FOXJ3: variants seen among roughly 807,000 people sequenced by gnomAD.
The protein encoded by FOXJ3 is forkhead box J3.
FOXJ3 carries 22 observed loss-of-function variants against 76.1 expected under a neutral mutation model. The ratio of observed to expected loss-of-function variants is 0.29; its 90% CI spans 0.21 to 0.41. The LOEUF (loss-of-function observed/expected upper bound fraction) is 0.41. Ranked by LOEUF, FOXJ3 falls within the 10% of genes least tolerant of loss-of-function variation. FOXJ3 has a pLI of 1.00. For missense variants in FOXJ3, 613 were observed against 762.1 expected (o/e 0.80, Z 2.30); for synonymous variants, 269 against 261.2 (o/e 1.03, Z -0.29).
chr1:42,266,272 A>G (rs111255760), intron 3 of FOXJ3, among the ~76,000 whole-genome samples: 2 of 152,190 alleles, frequency 1.3e-5, no homozygotes, highest in African/African-American at 4.8e-5. Context: ...ATCTATTACC[A>G]AAGCAGAAAT....
chr1:42,257,132 A>G lies in FOXJ3; in HGVS notation c.444+7983T>C, dbSNP rs993927501. The stretch of plus-strand genomic sequence containing the variant: ...TCTTTAAAGCAATATACAGATGCAG[A>G]TATTAATTTATATCAACAATTCTAG... On this transcript the variant is annotated intron_variant, in intron 4 of 12. Coordinates refer to ENST00000361346, the MANE Select transcript of FOXJ3 (RefSeq NM_014947.5). 4.6e-5 allele frequency among the ~76,000 whole-genome samples: 7 copies of G among 152,270 alleles called. No individual in the cohort carries two copies. In the East Asian group the frequency reaches 1.3e-3, roughly 29 times the overall value.
At chr1:42,327,106 A>T (rs1655881581) in intron 1 of FOXJ3, among the ~76,000 whole-genome samples, 1 of 152,236 alleles carries the variant, frequency 6.6e-6, no homozygotes, top group African/African-American at 2.4e-5. Context: ...AATATTATTC[A>T]AATGTAAGGT....
intron 5 of FOXJ3, among the ~76,000 whole-genome samples, chr1:42,206,910 A>G (rs1156454333): frequency 6.6e-6 from 1 of 151,940 alleles, no homozygotes; most frequent in Non-Finnish European, 1.5e-5. Context: ...GGCTCACTGC[A>G]ACCTTCACCT....
At chr1:42,232,280 C>A (rs1177881774) in intron 4 of FOXJ3, among the ~76,000 whole-genome samples, 2 of 147,894 alleles carry the variant, frequency 1.4e-5, no homozygotes, top group Admixed American at 6.9e-5. Flanking sequence ...GTCTTTATAG[C>A]AGCATGATTT....
chr1:42,228,352 G>A (rs954966421), intron 4 of FOXJ3, among the ~76,000 whole-genome samples: 1 of 152,022 alleles, frequency 6.6e-6, no homozygotes, highest in African/African-American at 2.4e-5. Context: ...AATCTACATG[G>A]TTAGTGAAAC....
chr1:42,207,128 AG>A (rs981838515), intron 5 of FOXJ3, among the ~76,000 whole-genome samples: 1 of 152,140 alleles, frequency 6.6e-6, no homozygotes, highest in African/African-American at 2.4e-5. Flanking sequence ...ATGCCCAGCC[AG>A]TTCTTATTTC....
intron 11 of FOXJ3, among the ~76,000 whole-genome samples, chr1:42,183,205 G>A (rs976170469): frequency 1.3e-5 from 2 of 148,760 alleles, no homozygotes; most frequent in Non-Finnish European, 3.0e-5. Context: ...GCAGTGAACC[G>A]AGATTGTGCT....
intron 4 of FOXJ3, among the ~76,000 whole-genome samples, chr1:42,246,549 G>A (rs1394296235): frequency 6.6e-6 from 1 of 151,892 alleles, no homozygotes; most frequent in Non-Finnish European, 1.5e-5. Context: ...TGAAGAGGAT[G>A]TGGAAAAAAG....
intron 5 of FOXJ3, among the ~76,000 whole-genome samples, chr1:42,216,340 A>T (rs903859366): frequency 1.3e-5 from 2 of 151,822 alleles, no homozygotes; most frequent in African/African-American, 4.8e-5. Flanking sequence ...AACACGGTGA[A>T]ACCCCGTCTC....
intron 2 of FOXJ3, among the ~76,000 whole-genome samples, chr1:42,290,402 C>T (rs958113799): frequency 6.6e-6 from 1 of 152,102 alleles, no homozygotes; most frequent in Admixed American, 6.5e-5. Flanking sequence ...AACATCAACA[C>T]TGATTATCAT....
rs1425427830 is a variant in FOXJ3, at chr1:42,331,469, G to GGAA, written c.-18+3587_-18+3589dup. Among the ~76,000 whole-genome samples, 7 of 152,194 alleles carry GGAA rather than the reference G, an allele frequency of 4.6e-5. No homozygotes were observed. The South Asian group carries it at 6.2e-4, about 14-fold the overall frequency. ...TATCAACGTAGTATATACATACAGT[G>GGAA]GAATATTATTTGGCAATAAAAAGGA... On this transcript the variant is annotated intron_variant, in intron 1 of 12. Transcript: ENST00000361346.
At chr1:42,324,093 A>G (rs1485105894) in intron 1 of FOXJ3, among the ~76,000 whole-genome samples, 3 of 126,840 alleles carry the variant, frequency 2.4e-5, no homozygotes, top group East Asian at 2.2e-4. Flanking sequence ...TATATACTGT[A>G]TATATACTGT....
intron 5 of FOXJ3, among the ~76,000 whole-genome samples, chr1:42,208,263 G>A (rs929272815): frequency 6.6e-6 from 1 of 152,120 alleles, no homozygotes; most frequent in African/African-American, 2.4e-5. Context: ...AGGATCTGCT[G>A]ATACAAAGAA....
intron 4 of FOXJ3, among the ~76,000 whole-genome samples, chr1:42,259,970 T>G (rs1395855278): frequency 1.3e-5 from 2 of 152,178 alleles, no homozygotes; most frequent in Non-Finnish European, 1.5e-5. Flanking sequence ...TGTATCAGTG[T>G]TTTTTCACTT....
chr1:42,318,690 T>C (rs560891327), intron 1 of FOXJ3, among the ~76,000 whole-genome samples: 2 of 152,096 alleles, frequency 1.3e-5, no homozygotes, highest in South Asian at 4.1e-4. Context: ...CCCACTAACA[T>C]GGCTATAATC....
Position 42,316,349 on chromosome 1 carries a change from T to TTTTTTTTTTTTTC in FOXJ3, c.-17-5240_-17-5239insGAAAAAAAAAAAA, listed in dbSNP as rs1553169820. On this transcript the variant is annotated intron_variant, in intron 1 of 12. Coordinates refer to ENST00000361346, the MANE Select transcript of FOXJ3 (RefSeq NM_014947.5). ...GCATTGGGCCTTTTTTTTTTTTTTT[T>TTTTTTTTTTTTTC]CTGTAGAAACAAGGTCTTGCTGTGT... 8.3e-4 allele frequency among the ~76,000 whole-genome samples: 112 copies of TTTTTTTTTTTTTC among 135,186 alleles called. 2 individuals are homozygous for TTTTTTTTTTTTTC. Among genetic ancestry groups the TTTTTTTTTTTTTC allele is most frequent in the African/African-American group, 2.0e-3 (79 of 38,656 alleles). The allele number at this position is 135,186 out of a possible 152,430, so 88.7% of individuals were successfully genotyped here.
chr1:42,309,372 C>T (rs928698578), intron 2 of FOXJ3, among the ~76,000 whole-genome samples: 1 of 152,194 alleles, frequency 6.6e-6, no homozygotes, highest in Admixed American at 6.5e-5. Context: ...TACCACTTAT[C>T]CAATATATGG....
At chr1:42,192,736 C>T (rs7529911) in intron 8 of FOXJ3, among the ~76,000 whole-genome samples, 4,897 of 150,716 alleles carry the variant, frequency 0.032, 270 homozygotes, top group African/African-American at 0.11. Flanking sequence ...TTATGCTGAA[C>T]CAAACATAAA....
intron 5 of FOXJ3, among the ~76,000 whole-genome samples, chr1:42,213,314 G>C (rs2124374532): frequency 1.3e-5 from 2 of 152,082 alleles, no homozygotes; most frequent in Middle Eastern, 6.8e-3. Context: ...CACAAACCAA[G>C]TATCTGCTGT....
Sources: allele counts gnomAD v4.1 joint callset (sites outside exome capture counted in the v4.1 genomes callset), GRCh38; gene constraint gnomAD v4.1.1; transcripts MANE v1.5; gene names NCBI Gene and HGNC (gene_info 2026-07-23, HGNC 2026-07-21).